PPP3CA: variants seen among roughly 807,000 people sequenced by gnomAD.
The protein encoded by PPP3CA is CAM-PRP catalytic subunit.
PPP3CA carries 14 observed loss-of-function variants against 66.5 expected under a neutral mutation model. The ratio of observed to expected loss-of-function variants is 0.21; its 90% CI spans 0.14 to 0.33. The LOEUF (loss-of-function observed/expected upper bound fraction) is 0.33, where lower values mean the gene tolerates loss of function less well. Among genes scored for constraint, PPP3CA ranks in the 10% least tolerant of loss-of-function variants. The probability of loss-of-function intolerance (pLI) is 1.00; values close to 1 mark genes in which losing one functional copy is unlikely to be tolerated. For synonymous variants in PPP3CA, 232 were observed against 226.2 expected, an observed-to-expected ratio of 1.03 and a Z score of -0.23; for missense variants, 317 against 639.5, an observed-to-expected ratio of 0.50 and a Z score of 5.44.
At chr4:101,130,096 T>C (rs1578476862) in intron 2 of PPP3CA, among the ~76,000 whole-genome samples, 1 of 151,828 alleles carries the variant, frequency 6.6e-6, no homozygotes. Context: ...GAGAACTTAA[T>C]GAAGCACATA....
chr4:101,232,468 G>C (rs1725994063), intron 1 of PPP3CA, among the ~76,000 whole-genome samples: 1 of 151,746 alleles, frequency 6.6e-6, no homozygotes, highest in African/African-American at 2.4e-5. Context: ...ACAATGCTAA[G>C]AGACAAAATA....
intron 1 of PPP3CA, among the ~76,000 whole-genome samples, chr4:101,288,466 G>C (rs1727912032): frequency 1.3e-5 from 2 of 151,490 alleles, no homozygotes; most frequent in South Asian, 4.2e-4. Flanking sequence ...GAATTTTCAG[G>C]CACCCTAGGT....
chr4:101,092,820 T>G (rs1468930846), intron 6 of PPP3CA, among the ~76,000 whole-genome samples: 1 of 152,222 alleles, frequency 6.6e-6, no homozygotes, highest in African/African-American at 2.4e-5. Context: ...TATTCCATGG[T>G]GTATATGTAC....
intron 2 of PPP3CA, among the ~76,000 whole-genome samples, chr4:101,189,476 A>AC (rs1724520667): frequency 6.6e-6 from 1 of 151,800 alleles, no homozygotes; most frequent in Admixed American, 6.6e-5. Context: ...ATTAACCTCC[A>AC]CCCCCAAATA....
At chr4:101,195,852 T>C in intron 2 of PPP3CA, 64 bp downstream of exon 2, 1 of 1,445,114 alleles carries the variant, frequency 6.9e-7, no homozygotes, top group Non-Finnish European at 9.5e-7. Context: ...CTAGGACTTT[T>C]GATTTCATGC....
intron 1 of PPP3CA, among the ~76,000 whole-genome samples, chr4:101,261,319 A>C (rs899751879): frequency 9.2e-5 from 14 of 152,232 alleles, no homozygotes; most frequent in Non-Finnish European, 5.9e-5. Flanking sequence ...TATTGAAAGT[A>C]TGGTATTGTA....
chr4:101,204,825 T>A (rs544356598), intron 1 of PPP3CA, among the ~76,000 whole-genome samples: 3 of 151,702 alleles, frequency 2.0e-5, no homozygotes, highest in Non-Finnish European at 2.9e-5. Context: ...TTAATTTATA[T>A]GTTTAAGTCA....
intron 1 of PPP3CA, among the ~76,000 whole-genome samples, chr4:101,243,510 A>G (rs978532687): frequency 1.8e-4 from 27 of 152,204 alleles, no homozygotes; most frequent in African/African-American, 6.5e-4. Context: ...CTGAACATAT[A>G]TAGCCTTTTT....
At chr4:101,108,317 T>G (rs1170329661) in intron 3 of PPP3CA, among the ~76,000 whole-genome samples, 1 of 152,232 alleles carries the variant, frequency 6.6e-6, no homozygotes, top group Non-Finnish European at 1.5e-5. Context: ...GCAAATACAT[T>G]CCTGCTTATT....
chr4:101,346,894 G>GCCGCCC lies in PPP3CA; in HGVS notation c.-99_-98insGGGCGG. ...GACACTCAACGCCGCCGCCGCCGCC[G>GCCGCCC]CCGCCGCCGCGCTGCAAACCGCTCG... On this transcript the variant is annotated 5_prime_UTR_variant, in exon 1 of 14. Transcript: ENST00000394854. 1 of 1,414,992 alleles carries GCCGCCC rather than the reference G, an allele frequency of 7.1e-7. No homozygotes were observed. 87.7% of individuals were successfully genotyped at this position (1,414,992 alleles called of 1,614,324 possible).
At chr4:101,039,379 G>A (rs896198402) in intron 11 of PPP3CA, among the ~76,000 whole-genome samples, 1 of 144,894 alleles carries the variant, frequency 6.9e-6, no homozygotes, top group Non-Finnish European at 1.5e-5. Flanking sequence ...AATGCTTTAA[G>A]TTTCACTATA....
rs140327494 is a variant in PPP3CA, at chr4:101,131,919, C to T, written c.260-22841G>A. ...ATGAACAGTCTCTCAGACCACAGTG[C>T]AATCAAATTAGAACTCAGGATTAAG... is the stretch of plus-strand genomic sequence containing the variant. On this transcript the variant is annotated intron_variant, in intron 2 of 13. Coordinates refer to ENST00000394854, the MANE Select transcript of PPP3CA (RefSeq NM_000944.5). 8.2e-3 allele frequency among the ~76,000 whole-genome samples: 1,242 copies of T among 152,278 alleles called. 13 individuals are homozygous for T. The highest frequency in any genetic ancestry group is 0.028 in the African/African-American group (1,176 of 41,554).
intron 1 of PPP3CA, among the ~76,000 whole-genome samples, chr4:101,204,452 C>T (rs998172025): frequency 2.0e-5 from 3 of 151,850 alleles, no homozygotes; most frequent in African/African-American, 4.8e-5. Context: ...CTGGCTAACA[C>T]GGTGAAACCC....
intron 1 of PPP3CA, among the ~76,000 whole-genome samples, chr4:101,310,470 A>G (rs1482243408): frequency 6.6e-6 from 1 of 152,192 alleles, no homozygotes; most frequent in Non-Finnish European, 1.5e-5. Context: ...ACTTGAGGAC[A>G]GAAGTTCAAG....
At chr4:101,072,557 T>C (rs1239182818) in intron 8 of PPP3CA, among the ~76,000 whole-genome samples, 6 of 152,182 alleles carry the variant, frequency 3.9e-5, no homozygotes. Context: ...GTTGAAAGAC[T>C]AAATGCATTT....
chr4:101,040,143 G>A (rs898652201), intron 11 of PPP3CA, among the ~76,000 whole-genome samples: 3 of 152,054 alleles, frequency 2.0e-5, no homozygotes, highest in African/African-American at 4.8e-5. Context: ...GAGCCAGAAC[G>A]AAAAACAAAA....
chr4:101,292,081 A>AACACACACACAC (rs3974776), intron 1 of PPP3CA, among the ~76,000 whole-genome samples: 2 of 130,726 alleles, frequency 1.5e-5, no homozygotes, highest in African/African-American at 2.9e-5. Flanking sequence ...TGAGCCCATG[A>AACACACACACAC]ACACACACAC....
chr4:101,105,964 T>C (rs1402998094), intron 3 of PPP3CA, among the ~76,000 whole-genome samples: 1 of 152,146 alleles, frequency 6.6e-6, no homozygotes, highest in Non-Finnish European at 1.5e-5. Flanking sequence ...GTGCTACAAA[T>C]GTTAAATGAA....
At chr4:101,291,339 C>A (rs751770096) in intron 1 of PPP3CA, among the ~76,000 whole-genome samples, 2 of 152,114 alleles carry the variant, frequency 1.3e-5, no homozygotes, top group Admixed American at 6.5e-5. Flanking sequence ...TGACTTGCAA[C>A]CTAAGGAGTC....
Sources: allele counts gnomAD v4.1 joint callset (sites outside exome capture counted in the v4.1 genomes callset), GRCh38; gene constraint gnomAD v4.1.1; transcripts MANE v1.5; gene names NCBI Gene and HGNC (gene_info 2026-07-23, HGNC 2026-07-21).